The following FAM168A variants were observed in gnomAD, a reference collection of about 807,000 sequenced individuals.
FAM168A encodes family with sequence similarity 168 member A.
Under a neutral mutation model 28.5 loss-of-function variants are expected in FAM168A, and 3 were observed. The observed-to-expected ratio is 0.11, with a 90% CI of 0.05 to 0.27. The LOEUF (loss-of-function observed/expected upper bound fraction) is 0.27. Among genes scored for constraint, FAM168A ranks in the 10% least tolerant of loss-of-function variants. The pLI is 1.00. For synonymous variants in FAM168A, 122 were observed against 124.2 expected (o/e 0.98, Z 0.12); for missense variants, 222 against 311.5 (o/e 0.71, Z 2.16).
intron 1 of FAM168A, among the ~76,000 whole-genome samples, chr11:73,565,799 G>T (rs1590734217): frequency 6.6e-6 from 1 of 152,068 alleles, no homozygotes; most frequent in African/African-American, 2.4e-5. Context: ...TTAAACATTG[G>T]TGATTTGTTT....
chr11:73,591,121 G>C (rs908831387), intron 1 of FAM168A, among the ~76,000 whole-genome samples: 2 of 151,854 alleles, frequency 1.3e-5, no homozygotes, highest in African/African-American at 2.4e-5. Flanking sequence ...TCCAGGCCGG[G>C]AGACAAAGCG....
intron 1 of FAM168A, among the ~76,000 whole-genome samples, chr11:73,490,116 G>A (rs1407497069): frequency 6.6e-6 from 1 of 152,182 alleles, no homozygotes; most frequent in Non-Finnish European, 1.5e-5. Flanking sequence ...TAATTGCACA[G>A]ATAAAAATTT....
Position 73,409,651 on chromosome 11 carries a change from T to C in FAM168A, c.431A>G (p.Tyr144Cys), listed in dbSNP as rs1445683057. The change falls in exon 6 of 8, where the codon TAC (tyrosine) becomes TGC (cysteine). Residue 144 changes from tyrosine to cysteine, a missense_variant. By Grantham distance (194) the Tyr-to-Cys change is radical (BLOSUM62 -2). This residue lies in a region of FAM168A where 153 missense variants were observed against 189.2 expected (regional missense o/e 0.81). Transcript: ENST00000356467. ...QQNLYAQGAY[Y>C]TQPVYAAQPH... ...CTGGGCAGCATACACCGGCTGTGTG[T>C]AGTAGGCTCCCTGGGGGAAAGAGGC... The C allele has an allele frequency of 6.2e-7, 1 of 1,602,476 alleles. No homozygotes were observed. The highest frequency in any genetic ancestry group is 8.5e-7 in the Non-Finnish European group (1 of 1,173,360).
At chr11:73,463,954 A>G (rs1867691536) in intron 2 of FAM168A, among the ~76,000 whole-genome samples, 1 of 152,160 alleles carries the variant, frequency 6.6e-6, no homozygotes, top group African/African-American at 2.4e-5. Context: ...AGGAGAGGAG[A>G]TCAGTTTGAA....
chr11:73,462,642 A>C (rs371564106), intron 2 of FAM168A, among the ~76,000 whole-genome samples: 1 of 152,162 alleles, frequency 6.6e-6, no homozygotes, highest in Non-Finnish European at 1.5e-5. Context: ...TTGTGAGGCC[A>C]AGGCAAGTGG....
intron 1 of FAM168A, among the ~76,000 whole-genome samples, chr11:73,517,537 C>T (rs114490527): frequency 0.018 from 2,768 of 151,272 alleles, 67 homozygotes; most frequent in African/African-American, 0.057. Context: ...ACTGTTTCGG[C>T]GGGGGCGGGG....
At chr11:73,505,948 G>T (rs1430048438) in intron 1 of FAM168A, among the ~76,000 whole-genome samples, 1 of 152,120 alleles carries the variant, frequency 6.6e-6, no homozygotes, top group Non-Finnish European at 1.5e-5. Context: ...TATTGGAACT[G>T]AGATTTATAA....
chr11:73,542,346 C>T (rs909200393), intron 1 of FAM168A, among the ~76,000 whole-genome samples: 1 of 152,198 alleles, frequency 6.6e-6, no homozygotes, highest in Non-Finnish European at 1.5e-5. Context: ...TGTTTCCCAA[C>T]TCTATAAGTG....
chr11:73,425,190 C>A (rs1320875929), intron 3 of FAM168A: 22 of 598,364 alleles, frequency 3.7e-5, no homozygotes, highest in Non-Finnish European at 6.0e-5. Flanking sequence ...ATGTAAAACA[C>A]CTTTACCCTA....
intron 2 of FAM168A, 95 bp from the exon 3 acceptor site, chr11:73,430,865 G>T: frequency 1.0e-6 from 1 of 999,732 alleles, no homozygotes; most frequent in Non-Finnish European, 1.5e-6. Context: ...TGAGGAAATA[G>T]AATCCAAGTC....
intron 2 of FAM168A, among the ~76,000 whole-genome samples, chr11:73,431,109 T>A (rs1351564292): frequency 6.6e-6 from 1 of 152,028 alleles, no homozygotes; most frequent in African/African-American, 2.4e-5. Flanking sequence ...TTTGGGAGGC[T>A]GAGGCGGGTG....
intron 1 of FAM168A, among the ~76,000 whole-genome samples, chr11:73,538,728 A>G (rs1016148526): frequency 1.3e-5 from 2 of 152,194 alleles, no homozygotes; most frequent in Non-Finnish European, 2.9e-5. Flanking sequence ...CTAAAACCAA[A>G]CATTCCAAAA....
At chr11:73,480,534 T>C (rs947509883) in intron 1 of FAM168A, among the ~76,000 whole-genome samples, 1 of 152,158 alleles carries the variant, frequency 6.6e-6, no homozygotes, top group South Asian at 2.1e-4. Flanking sequence ...GGGGAAATAG[T>C]TGTATTTAAG....
intron 1 of FAM168A, among the ~76,000 whole-genome samples, chr11:73,560,804 T>A (rs1943949345): frequency 6.6e-6 from 1 of 152,188 alleles, no homozygotes; most frequent in African/African-American, 2.4e-5. Flanking sequence ...TGCTCACACT[T>A]GTAATCCCAG....
At chr11:73,420,693 T>A (rs1276791659) in intron 3 of FAM168A, among the ~76,000 whole-genome samples, 2 of 152,244 alleles carry the variant, frequency 1.3e-5, no homozygotes, top group East Asian at 3.8e-4. Flanking sequence ...CCACCTGGGA[T>A]ATTTCCTCAT....
chr11:73,534,487 C>T (rs994462408), intron 1 of FAM168A, among the ~76,000 whole-genome samples: 1 of 151,828 alleles, frequency 6.6e-6, no homozygotes, highest in Non-Finnish European at 1.5e-5. Context: ...ACTGCAACCT[C>T]CACCTCCTGG....
chr11:73,488,600 T>G lies in FAM168A; in HGVS notation c.-18-20108A>C, dbSNP rs544184970. 2.0e-5 allele frequency among the ~76,000 whole-genome samples: 3 copies of G among 152,298 alleles called. No individual in the cohort carries two copies. The South Asian group carries it at 6.2e-4, about 32-fold the overall frequency. On this transcript the variant is annotated intron_variant, in intron 1 of 7. Transcript: ENST00000356467. The stretch of plus-strand genomic sequence containing the variant: ...GAGTTTTCAAGAGCTCCCACCACAT[T>G]TACCTACCAAACTGCACCTGTACCC...
chr11:73,512,795 CAGAT>C (rs945399544), intron 1 of FAM168A, among the ~76,000 whole-genome samples: 4 of 151,934 alleles, frequency 2.6e-5, no homozygotes, highest in African/African-American at 9.7e-5. Flanking sequence ...GCTAGCTAGA[CAGAT>C]AGAAACACAG....
At chr11:73,464,467 G>T (rs1459672011) in intron 2 of FAM168A, among the ~76,000 whole-genome samples, 1 of 152,140 alleles carries the variant, frequency 6.6e-6, no homozygotes, top group Admixed American at 6.6e-5. Context: ...GTTTTCTACT[G>T]GCTGAAGCCA....
Sources: gnomAD v4.1 joint callset for allele counts (sites outside exome capture counted in the v4.1 genomes callset) on GRCh38, gnomAD v4.1.1 for gene constraint, gnomAD v4.1.1 regional missense constraint, MANE v1.5 for transcripts, NCBI Gene and HGNC (gene_info 2026-07-23, HGNC 2026-07-21) for gene names.